Variants in STPG2 observed in about 807,000 individuals in gnomAD.
STPG2 encodes the protein sperm tail PG-rich repeat containing 2, also known as sperm-tail PG-rich repeat-containing protein 2.
STPG2 carries 56 observed loss-of-function variants against 54.2 expected under a neutral mutation model. The ratio of observed to expected loss-of-function variants is 1.03; its 90% CI spans 0.83 to 1.29. The LOEUF is 1.29. Among genes scored for constraint, STPG2 ranks in the 50% most tolerant of loss-of-function variants. STPG2 has a pLI of 0.00. For missense variants in STPG2, 596 were observed against 544.9 expected (o/e 1.09, Z -0.93); for synonymous variants, 200 against 181.8 (o/e 1.10, Z -0.81).
At chr4:97,534,952 T>G (rs1279795239) in intron 4 of STPG2, among the ~76,000 whole-genome samples, 1 of 152,216 alleles carries the variant, frequency 6.6e-6, no homozygotes, top group Non-Finnish European at 1.5e-5. Context: ...GTTTCAAACA[T>G]TGATCCATTT....
At chr4:97,484,131 CACAG>C (rs2148822902) in intron 4 of STPG2, among the ~76,000 whole-genome samples, 1 of 151,452 alleles carries the variant, frequency 6.6e-6, no homozygotes, top group South Asian at 2.1e-4. Flanking sequence ...ACTGAAAGAG[CACAG>C]ACATTCTAAG....
At chr4:97,947,535 T>A (rs1733281050) in intron 7 of STPG2, among the ~76,000 whole-genome samples, 1 of 152,134 alleles carries the variant, frequency 6.6e-6, no homozygotes, top group Non-Finnish European at 1.5e-5. Context: ...TAATGTTGGC[T>A]GTGGGTTTGT....
chr4:97,530,321 C>T (rs1230884033), intron 4 of STPG2, among the ~76,000 whole-genome samples: 4 of 152,090 alleles, frequency 2.6e-5, no homozygotes, highest in African/African-American at 9.7e-5. Flanking sequence ...ACTTTTCTAT[C>T]TGTGATAGTC....
At chr4:97,592,040 A>G (rs1302512031) in intron 10 of STPG2, among the ~76,000 whole-genome samples, 2 of 152,226 alleles carry the variant, frequency 1.3e-5, no homozygotes, top group Admixed American at 6.5e-5. Flanking sequence ...ATATATTAAC[A>G]TGTAGTCTTC....
intron 4 of STPG2, among the ~76,000 whole-genome samples, chr4:97,524,653 CA>C: frequency 6.6e-6 from 1 of 152,032 alleles, no homozygotes; most frequent in Middle Eastern, 3.4e-3. Context: ...GAAGGACTAA[CA>C]TATCTTTCAT....
intron 5 of STPG2, among the ~76,000 whole-genome samples, chr4:98,014,532 G>A (rs1293015921): frequency 1.3e-5 from 2 of 152,050 alleles, no homozygotes; most frequent in South Asian, 2.1e-4. Context: ...GCTGCTTCTA[G>A]TCAGCCATCT....
intron 10 of STPG2, among the ~76,000 whole-genome samples, chr4:97,676,577 A>G (rs919006267): frequency 1.5e-4 from 9 of 60,066 alleles, no homozygotes; most frequent in Admixed American, 5.5e-4. Context: ...AAGGAAGGAA[A>G]GGAGGGAGGG....
At chr4:97,919,995 G>T (rs1445969016) in intron 8 of STPG2, among the ~76,000 whole-genome samples, 1 of 152,146 alleles carries the variant, frequency 6.6e-6, no homozygotes, top group Non-Finnish European at 1.5e-5. Context: ...CAGAGGAAAA[G>T]AAATGTAACA....
At chr4:98,100,698 CAG>C (rs1351936833) in intron 5 of STPG2, among the ~76,000 whole-genome samples, 1 of 119,792 alleles carries the variant, frequency 8.3e-6, no homozygotes, top group Non-Finnish European at 1.6e-5. Context: ...GTTTTTGAGA[CAG>C]AGTCTTGCTC....
intron 10 of STPG2, among the ~76,000 whole-genome samples, chr4:97,630,502 T>G (rs1312602451): frequency 6.6e-6 from 1 of 151,934 alleles, no homozygotes; most frequent in East Asian, 1.9e-4. Context: ...TCTTCTGATA[T>G]TTATTGTTAA....
At chr4:97,850,489 A>G (rs1197694314) in intron 8 of STPG2, among the ~76,000 whole-genome samples, 1 of 151,914 alleles carries the variant, frequency 6.6e-6, no homozygotes, top group African/African-American at 2.4e-5. Context: ...AATGTTATAC[A>G]GAATTTAGCT....
At chr4:97,716,846 G>A (rs548842349) in intron 9 of STPG2, among the ~76,000 whole-genome samples, 51 of 151,898 alleles carry the variant, frequency 3.4e-4, no homozygotes, top group African/African-American at 9.2e-4. Context: ...AAACCTGCAC[G>A]TTCTGCACAT....
At chr4:97,733,905 A>G (rs1032355926) in intron 9 of STPG2, among the ~76,000 whole-genome samples, 3 of 152,162 alleles carry the variant, frequency 2.0e-5, no homozygotes, top group African/African-American at 7.2e-5. Flanking sequence ...GGCTATGTCT[A>G]GTTGATCATC....
At chr4:97,855,222 T>C (rs752314476) in intron 8 of STPG2, among the ~76,000 whole-genome samples, 27 of 152,310 alleles carry the variant, frequency 1.8e-4, no homozygotes, top group Admixed American at 3.3e-4. Flanking sequence ...TACACATGAA[T>C]GTATTTCCCT....
intron 10 of STPG2, among the ~76,000 whole-genome samples, chr4:97,568,815 C>T (rs2148881805): frequency 6.6e-6 from 1 of 152,050 alleles, no homozygotes; most frequent in Non-Finnish European, 1.5e-5. Context: ...TCAAAAGATC[C>T]TAGCAGTTGT....
At chr4:98,093,628 C>G (rs989918518) in intron 5 of STPG2, among the ~76,000 whole-genome samples, 1 of 152,132 alleles carries the variant, frequency 6.6e-6, no homozygotes, top group Admixed American at 6.6e-5. Flanking sequence ...GACTTCATAA[C>G]GCTAAAAGAG....
At chr4:97,571,130 A>T (rs1732589312) in intron 10 of STPG2, among the ~76,000 whole-genome samples, 1 of 152,036 alleles carries the variant, frequency 6.6e-6, no homozygotes, top group South Asian at 2.1e-4. Flanking sequence ...AATTTTAATT[A>T]TTTTTAAATT....
intron 9 of STPG2, among the ~76,000 whole-genome samples, chr4:97,839,643 C>A (rs1410835704): frequency 6.6e-6 from 1 of 151,252 alleles, no homozygotes; most frequent in Non-Finnish European, 1.5e-5. Flanking sequence ...GCTAAAACCT[C>A]ACAAAATCAA....
intron 5 of STPG2, among the ~76,000 whole-genome samples, chr4:98,080,801 T>C (rs947580545): frequency 7.9e-5 from 12 of 152,216 alleles, no homozygotes; most frequent in Admixed American, 3.9e-4. Flanking sequence ...CTCAACATGT[T>C]TACACGATTC....
Sources: allele counts gnomAD v4.1 joint callset (sites outside exome capture counted in the v4.1 genomes callset), GRCh38; gene constraint gnomAD v4.1.1; transcripts MANE v1.5; gene names NCBI Gene and HGNC (gene_info 2026-07-23, HGNC 2026-07-21).